The following ASZ1 variants were observed in gnomAD, a reference collection of about 807,000 sequenced individuals.
ASZ1 encodes ankyrin repeat, SAM and basic leucine zipper domain-containing protein 1.
Under a neutral mutation model 61.8 loss-of-function variants are expected in ASZ1, and 67 were observed. That is an observed-to-expected ratio of 1.08 (90% confidence interval 0.89 to 1.33). ASZ1 has a LOEUF of 1.33. Among genes scored for constraint, ASZ1 ranks in the 40% most tolerant of loss-of-function variants. The probability of loss-of-function intolerance (pLI) is 0.00; values close to 1 mark genes in which losing one functional copy is unlikely to be tolerated. For missense variants in ASZ1, 577 were observed against 554.5 expected, an observed-to-expected ratio of 1.04 and a Z score of -0.41; for synonymous variants, 193 against 192.7, an observed-to-expected ratio of 1.00 and a Z score of -0.01.
At chr7:117,391,645 G>A (rs1347083329) in intron 4 of ASZ1, among the ~76,000 whole-genome samples, 1 of 151,964 alleles carries the variant, frequency 6.6e-6, no homozygotes, top group Non-Finnish European at 1.5e-5. Flanking sequence ...GTTCCATTGG[G>A]CTACATGTCT....
At chr7:117,425,770 C>G (rs916729869) in intron 2 of ASZ1, among the ~76,000 whole-genome samples, 2 of 150,268 alleles carry the variant, frequency 1.3e-5, no homozygotes, top group Non-Finnish European at 3.0e-5. Context: ...TGGGTGATTA[C>G]TTGAGGTCAG....
At chr7:117,408,534 C>T (rs539767701) in intron 4 of ASZ1, among the ~76,000 whole-genome samples, 31 of 152,214 alleles carry the variant, frequency 2.0e-4, no homozygotes, top group African/African-American at 6.5e-4. Context: ...TTATAAAGAA[C>T]ATCTCAACAA....
chr7:117,368,655 G>A lies in ASZ1; in HGVS notation c.1118C>T (p.Ala373Val), dbSNP rs28513898. Residue 373 changes from alanine (A) to valine (V), a missense_variant, in exon 11 of 13, where the codon GCT (alanine) becomes GTT (valine). Coordinates refer to ENST00000284629, the MANE Select transcript of ASZ1 (RefSeq NM_130768.3). ...LNKQCGHLITAVQNVITELPV... is the reference protein window; with the variant it reads ...LNKQCGHLITVVQNVITELPV... ...TAACTCAGTAATAACATTCTGTACA[G>A]CTGTTATTAAATGGCCACACTGTTT... 2.5e-6 allele frequency: 4 copies of A among 1,612,832 alleles called. No homozygotes were observed. The South Asian group carries it at 4.4e-5, about 18-fold the overall frequency.
chr7:117,363,649 A>G lies in ASZ1; in HGVS notation c.1375T>C (p.Cys459Arg). 1.9e-6 allele frequency: 3 copies of G among 1,608,542 alleles called. No individual in the cohort carries two copies. Among genetic ancestry groups the G allele is most frequent in the Non-Finnish European group, 2.5e-6 (3 of 1,177,804 alleles). ...ATGAAAAGAAGAAAACCGAATCCGC[A>G]TATGGTAATAGCTGTCCTCTTCAAA... Reference protein sequence around the residue: ...RILKRTAITICGFGFLLFICK... With the variant: ...RILKRTAITIRGFGFLLFICK... Residue 459 changes from cysteine (C) to arginine (R), a missense_variant, in exon 13 of 13, where the codon TGC becomes CGC. Transcript: ENST00000284629.
chr7:117,390,337 A>ATTTT (rs1796441225), intron 4 of ASZ1, among the ~76,000 whole-genome samples: 1 of 151,878 alleles, frequency 6.6e-6, no homozygotes, highest in Non-Finnish European at 1.5e-5. Context: ...ACCTGACTAA[A>ATTTT]TTTTTTATTT....
chr7:117,416,331 A>G (rs1016710104), intron 4 of ASZ1, among the ~76,000 whole-genome samples: 1 of 152,326 alleles, frequency 6.6e-6, no homozygotes, highest in African/African-American at 2.4e-5. Flanking sequence ...CTTAGCATAG[A>G]GCCTAAATAC....
At chr7:117,395,324 A>C (rs1796556101) in intron 4 of ASZ1, among the ~76,000 whole-genome samples, 1 of 152,146 alleles carries the variant, frequency 6.6e-6, no homozygotes, top group African/African-American at 2.4e-5. Flanking sequence ...TGAATTCATA[A>C]GCCTATTTTT....
At chr7:117,422,947 T>C (rs981967986) in intron 2 of ASZ1, among the ~76,000 whole-genome samples, 4 of 152,048 alleles carry the variant, frequency 2.6e-5, no homozygotes, top group Non-Finnish European at 4.4e-5. Flanking sequence ...GACACCACTA[T>C]TGAGAATGGG....
chr7:117,368,470 A>G, intron 11 of ASZ1, 142 bp downstream of exon 11: 1 of 1,397,412 alleles, frequency 7.2e-7, no homozygotes, highest in South Asian at 1.7e-5. Flanking sequence ...AAACAAATTG[A>G]CTTATTTAGA....
At chr7:117,405,812 G>A (rs1288659363) in intron 4 of ASZ1, among the ~76,000 whole-genome samples, 1 of 152,212 alleles carries the variant, frequency 6.6e-6, no homozygotes, top group Admixed American at 6.5e-5. Context: ...ACATACATAA[G>A]GTGGTCCAGG....
intron 4 of ASZ1, among the ~76,000 whole-genome samples, chr7:117,403,774 A>C (rs1490544241): frequency 6.6e-6 from 1 of 152,162 alleles, no homozygotes; most frequent in African/African-American, 2.4e-5. Context: ...CCCAGGCAGC[A>C]GACTGGCACT....
chr7:117,368,235 T>C (rs1157193242), intron 11 of ASZ1: 6 of 970,428 alleles, frequency 6.2e-6, no homozygotes, highest in Non-Finnish European at 7.4e-6. Context: ...CCACTTACAC[T>C]CTTCCTATTC....
chr7:117,396,384 T>C (rs533650812), intron 4 of ASZ1, among the ~76,000 whole-genome samples: 14 of 152,370 alleles, frequency 9.2e-5, no homozygotes, highest in East Asian at 3.9e-4. Flanking sequence ...CAAATGCTGC[T>C]AGCTTCTCCA....
intron 4 of ASZ1, among the ~76,000 whole-genome samples, chr7:117,409,128 A>G (rs1288144344): frequency 6.6e-6 from 1 of 151,926 alleles, no homozygotes; most frequent in Non-Finnish European, 1.5e-5. Context: ...AGTTGCTTCT[A>G]TAAGAAAGAA....
rs753215409 is a variant in ASZ1 at position 117,381,079 on chromosome 7, G to GA, written c.889-13dup. 10 of 1,542,958 alleles carry GA rather than the reference G, an allele frequency of 6.5e-6. No individual in the cohort carries two copies. In the African/African-American group the frequency reaches 7.0e-5, roughly 11 times the overall value. Reference sequence around the variant, plus strand: ...GTTATATCCCTTTCCTGTATAAAAGGAAAAAAAGGCCACCTTTCCATATAA... The same window carrying GA: ...GTTATATCCCTTTCCTGTATAAAAGGAAAAAAAAGGCCACCTTTCCATATAA... On this transcript the variant is annotated splice_polypyrimidine_tract_variant and intron_variant, in intron 8 of 12. Coordinates refer to ENST00000284629, the MANE Select transcript of ASZ1 (RefSeq NM_130768.3).
Position 117,379,940 on chromosome 7 carries a change from G to A in ASZ1, c.1053C>T (p.Ile351=). 6.4e-7 allele frequency: 1 copy of A among 1,568,080 alleles called. No homozygotes were observed. Among genetic ancestry groups the A allele is most frequent in the South Asian group, 1.1e-5 (1 of 89,066 alleles). The change falls in exon 10 of 13, where the codon ATC becomes ATT. Residue 351 remains isoleucine, a splice_region_variant and synonymous_variant. Transcript: ENST00000284629. The part of the protein sequence containing the change: ...GELSEETKLE[I]SGDEFLNFLL... ...ATAAACAAATAAGTTAATTTTACCT[G>A]ATTTCCAACTTTGTCTCTTCAGATA... is the stretch of plus-strand genomic sequence containing the variant.
At chr7:117,363,894 T>A in intron 12 of ASZ1, 146 bp from the exon 13 acceptor site, 1 of 582,228 alleles carries the variant, frequency 1.7e-6, no homozygotes, top group Non-Finnish European at 2.6e-6. Context: ...ATGGAAGATT[T>A]AAAGTAAACA....
chr7:117,384,702 A>C, intron 6 of ASZ1, 24 bp downstream of exon 6: 3 of 1,585,632 alleles, frequency 1.9e-6, no homozygotes, highest in South Asian at 1.1e-5. Context: ...ACAGAAAATA[A>C]GTTTAATATG....
At chr7:117,373,653 G>A (rs1343991479) in intron 10 of ASZ1, among the ~76,000 whole-genome samples, 2 of 152,086 alleles carry the variant, frequency 1.3e-5, no homozygotes, top group African/African-American at 4.8e-5. Flanking sequence ...ATAACAGCAT[G>A]TAAACAAAGT....
Sources: gnomAD v4.1 joint callset for allele counts (sites outside exome capture counted in the v4.1 genomes callset) on GRCh38, gnomAD v4.1.1 for gene constraint, MANE v1.5 for transcripts, NCBI Gene and HGNC (gene_info 2026-07-23, HGNC 2026-07-21) for gene names.